The following GPSM1 variants were observed in gnomAD, a reference collection of about 807,000 sequenced individuals.
GPSM1 encodes G protein-signaling modulator 1.
Under a neutral mutation model 70.5 loss-of-function variants are expected in GPSM1, and 48 were observed. That is an observed-to-expected ratio of 0.68 (90% CI 0.54 to 0.87). The LOEUF (loss-of-function observed/expected upper bound fraction) is 0.87, where lower values mean the gene tolerates loss of function less well. Among genes scored for constraint, GPSM1 ranks in the 40% least tolerant of loss-of-function variants. GPSM1 has a pLI of 0.00. For missense variants in GPSM1, 981 were observed against 972.6 expected, an observed-to-expected ratio of 1.01 and a Z score of -0.11; for synonymous variants, 416 against 430.1, an observed-to-expected ratio of 0.97 and a Z score of 0.41.
In GPSM1 at chr9:136,341,315, C is replaced by T. The variant is rs1040259241; in HGVS notation, c.1207+322C>T. On this transcript the variant is annotated intron_variant, in intron 9 of 13. Coordinates refer to ENST00000440944, the MANE Select transcript of GPSM1 (RefSeq NM_001145638.3). The surrounding 1 kb of genome is among the most constrained non-coding windows in gnomAD (Gnocchi z 6.7). ...CCTCGGTGCAGGGAGGGCTTCTGTC[C>T]TCAGACCCAAGTAGGAGAGGGCTGC... The T allele has an allele frequency of 3.5e-6, 5 of 1,445,174 alleles. No homozygotes were observed. In the Admixed American group the frequency reaches 1.1e-4, roughly 32 times the overall value. 89.5% of individuals were successfully genotyped at this position (1,445,174 alleles called of 1,614,324 possible).
At chr9:136,356,103 TCTC>T (rs1372417751) in intron 12 of GPSM1, among the ~76,000 whole-genome samples, 3 of 144,506 alleles carry the variant, frequency 2.1e-5, no homozygotes, top group Non-Finnish European at 3.2e-5. Context: ...GGACTGGCGT[TCTC>T]CTCCTGTCTC....
Position 136,337,827 on chromosome 9 carries a change from C to G in GPSM1, c.703-19C>G. 3 of 1,581,338 alleles carry G rather than the reference C, an allele frequency of 1.9e-6. No individual in the cohort carries two copies. In the South Asian group the frequency reaches 3.3e-5, roughly 17 times the overall value. On this transcript the variant is annotated intron_variant, in intron 5 of 13. Coordinates refer to ENST00000440944, the MANE Select transcript of GPSM1 (RefSeq NM_001145638.3). ...CGGGGCTGCGCCATGACCACCTGGCCTCCGGTGTGTCTCCGCAGCGCCTGG... is the reference window on the plus strand; with the variant it reads ...CGGGGCTGCGCCATGACCACCTGGCGTCCGGTGTGTCTCCGCAGCGCCTGG...
At position 136,337,844 on chromosome 9, in the gene GPSM1, AGC is replaced by A; in HGVS notation, c.704_705del (p.Arg235ProfsTer5). 6.2e-7 allele frequency: 1 copy of A among 1,607,478 alleles called. No homozygotes were observed. The highest frequency in any genetic ancestry group is 8.5e-7 in the Non-Finnish European group (1 of 1,175,322). ...CACCTGGCCTCCGGTGTGTCTCCGC[AGC>A]GCCTGGCCATTGCTAAGGAGTTTGG... On this transcript the variant is annotated splice_acceptor_variant and coding_sequence_variant, in exon 6 of 14. Coordinates refer to ENST00000440944, the MANE Select transcript of GPSM1 (RefSeq NM_001145638.3). LOFTEE classifies it high-confidence loss of function.
intron 2 of GPSM1, 143 bp downstream of exon 2, chr9:136,334,811 G>A (rs1832192737): frequency 1.4e-6 from 1 of 699,644 alleles, no homozygotes; most frequent in South Asian, 1.8e-5. Context: ...GAGTGGGGAT[G>A]GCCCTGCTGG....
intron 9 of GPSM1, among the ~76,000 whole-genome samples, chr9:136,344,156 G>A (rs1243800617): frequency 7.4e-5 from 11 of 148,634 alleles, no homozygotes; most frequent in African/African-American, 1.3e-4. Flanking sequence ...GGGGAGGTGC[G>A]GACAGGATCG....
chr9:136,357,351 G>A (rs998535604), intron 13 of GPSM1, among the ~76,000 whole-genome samples: 24 of 152,296 alleles, frequency 1.6e-4, no homozygotes, highest in South Asian at 6.2e-4. Context: ...ACCTCGGCCC[G>A]GGGCCAGGCG....
rs1554772969 is a variant in GPSM1, at chr9:136,355,820, C to A, written c.1586C>A (p.Ala529Asp). Residue 529 changes from alanine (A) to aspartate (D), a missense_variant, in exon 12 of 14, where the codon GCC becomes GAC. Ala to Asp is a moderately radical substitution (Grantham distance 126). Coordinates refer to ENST00000440944, the MANE Select transcript of GPSM1 (RefSeq NM_001145638.3). Reference sequence around the variant, plus strand: ...CAGGCCGGGGCTGCCGAGGCCACGGCCGCCCCCACCCTGGAGGACAGGATC... The same window carrying A: ...CAGGCCGGGGCTGCCGAGGCCACGGACGCCCCCACCCTGGAGGACAGGATC... ...DGQAGAAEAT[A>D]APTLEDRIAQ... 6.2e-7 allele frequency: 1 copy of A among 1,610,570 alleles called. No individual in the cohort carries two copies. The highest frequency in any genetic ancestry group is 2.2e-5 in the East Asian group (1 of 44,816).
chr9:136,342,200 G>A lies in GPSM1; in HGVS notation c.1207+1207G>A, dbSNP rs1161801619. Among the ~76,000 whole-genome samples the A allele has an allele frequency of 6.6e-6, 1 of 152,108 alleles. No homozygotes were observed. The highest frequency in any genetic ancestry group is 6.5e-5 in the Admixed American group (1 of 15,280). ...CCATGGCCGGGGTTTCCTAAGGGTG[G>A]GGAGCTCTGCCGAGAGCTCCTGCGG... On this transcript the variant is annotated intron_variant, in intron 9 of 13. Coordinates refer to ENST00000440944, the MANE Select transcript of GPSM1 (RefSeq NM_001145638.3). The surrounding 1 kb of genome is among the most constrained non-coding windows in gnomAD (Gnocchi z 5.5).
chr9:136,348,578 G>T (rs1385976280), intron 9 of GPSM1, 119 bp from the exon 10 acceptor site: 1 of 664,698 alleles, frequency 1.5e-6, no homozygotes, highest in Non-Finnish European at 2.6e-6. Flanking sequence ...CCACAAGGGG[G>T]GCTGGCTGTC....
At chr9:136,355,905 G>C in intron 12 of GPSM1, 59 bp downstream of exon 12, 1 of 1,420,714 alleles carries the variant, frequency 7.0e-7, no homozygotes, top group South Asian at 1.2e-5. Flanking sequence ...CCAGGACCAG[G>C]GCTCCCGTCC....
rs1832254514 is a variant in GPSM1 at position 136,336,973 on chromosome 9, G to T, written c.479G>T (p.Gly160Val). The change falls in exon 4 of 14, where the codon GGC (glycine) becomes GTC (valine). Residue 160 changes from glycine (G) to valine (V), a missense_variant. Transcript: ENST00000440944. Reference protein sequence around the residue: ...YNIGNVYHAKGKQLSWNAANA... With the variant: ...YNIGNVYHAKVKQLSWNAANA... ...ATCGGGAACGTGTACCACGCCAAAGGCAAGCAACTGTCCTGGAACGCCGCA... is the reference window on the plus strand; with the variant it reads ...ATCGGGAACGTGTACCACGCCAAAGTCAAGCAACTGTCCTGGAACGCCGCA... 2 of 1,556,574 alleles carry T rather than the reference G, an allele frequency of 1.3e-6. No individual in the cohort carries two copies. Among genetic ancestry groups the T allele is most frequent in the Non-Finnish European group, 1.7e-6 (2 of 1,150,716 alleles).
intron 2 of GPSM1, among the ~76,000 whole-genome samples, chr9:136,335,635 A>G (rs1204962668): frequency 6.6e-6 from 1 of 151,314 alleles, no homozygotes; most frequent in African/African-American, 2.4e-5. Context: ...TCCTCCCCGG[A>G]TCCTAAGAGC....
At chr9:136,338,844 A>ACTC in intron 7 of GPSM1, 134 bp downstream of exon 7, 1 of 908,776 alleles carries the variant, frequency 1.1e-6, no homozygotes, top group Non-Finnish European at 1.6e-6. Context: ...TGGCAACGCC[A>ACTC]CTGTGGGGAC....
intron 1 of GPSM1, among the ~76,000 whole-genome samples, chr9:136,329,172 G>C (rs1247812182): frequency 6.6e-6 from 1 of 152,150 alleles, no homozygotes; most frequent in Admixed American, 6.5e-5. Flanking sequence ...GGACCACTCA[G>C]AGAGACCCCA....
At position 136,336,109 on chromosome 9, in the gene GPSM1, C is replaced by T; in HGVS notation, c.426+8C>T. The T allele has an allele frequency of 6.2e-7, 1 of 1,609,204 alleles. No homozygotes were observed. On this transcript the variant is annotated splice_region_variant and intron_variant, in intron 3 of 13. Transcript: ENST00000440944. ...CAAGAGCAGGGAGACAAGGTGGGGGCTTGGTCCGGGGCTGGGTGTCTCCCA... is the reference window on the plus strand; with the variant it reads ...CAAGAGCAGGGAGACAAGGTGGGGGTTTGGTCCGGGGCTGGGTGTCTCCCA...
At chr9:136,350,584 G>A (rs1554771918) in intron 11 of GPSM1, among the ~76,000 whole-genome samples, 1 of 152,226 alleles carries the variant, frequency 6.6e-6, no homozygotes, top group Non-Finnish European at 1.5e-5. Flanking sequence ...TGGGTGGCCT[G>A]TGCATGGCTG....
In GPSM1 at chr9:136,341,472, C is replaced by T. The variant is rs768601856; in HGVS notation, c.1207+479C>T. Reference sequence around the variant, plus strand: ...GCGAGGCCACCGTGGTGACCTCATTCATGGACCGCTGGTCGTCCCATGCCG... The same window carrying T: ...GCGAGGCCACCGTGGTGACCTCATTTATGGACCGCTGGTCGTCCCATGCCG... On this transcript the variant is annotated intron_variant, in intron 9 of 13. Coordinates refer to ENST00000440944, the MANE Select transcript of GPSM1 (RefSeq NM_001145638.3). This position sits in a 1 kb window ranked among gnomAD's most constrained non-coding sequence, Gnocchi z 6.7. 1.1e-4 allele frequency: 139 copies of T among 1,315,858 alleles called. 1 individual carries two copies. Among genetic ancestry groups the T allele is most frequent in the Non-Finnish European group, 1.3e-4 (134 of 1,033,288 alleles). The allele number at this position is 1,315,858 out of a possible 1,614,324, so 81.5% of individuals were successfully genotyped here.
intron 9 of GPSM1, 65 bp from the exon 10 acceptor site, chr9:136,348,631 TG>T: frequency 7.9e-7 from 1 of 1,264,476 alleles, no homozygotes; most frequent in Non-Finnish European, 1.1e-6. Context: ...CCAGAGACTC[TG>T]GCCTGGCCCA....
At position 136,350,815 on chromosome 9, in the gene GPSM1, C is replaced by T. The variant is rs111554616; in HGVS notation, c.1455+1052C>T. Among the ~76,000 whole-genome samples the T allele has an allele frequency of 7.2e-3, 1,095 of 152,190 alleles. 17 individuals are homozygous for T. Among genetic ancestry groups the T allele is most frequent in the African/African-American group, 0.025 (1,024 of 41,516 alleles). ...GCGTTGCTGTGGCACACAGAGGTGGCGGGAGGGGTGGGGCAGTTGCAGTGA... is the reference window on the plus strand; with the variant it reads ...GCGTTGCTGTGGCACACAGAGGTGGTGGGAGGGGTGGGGCAGTTGCAGTGA... On this transcript the variant is annotated intron_variant, in intron 11 of 13. Transcript: ENST00000440944.
Sources: gnomAD v4.1 joint callset for allele counts (sites outside exome capture counted in the v4.1 genomes callset) on GRCh38, gnomAD v4.1.1 for gene constraint, Gnocchi (gnomAD v3.1) non-coding constraint, MANE v1.5 for transcripts, NCBI Gene and HGNC (gene_info 2026-07-23, HGNC 2026-07-21) for gene names.